The following SLC16A9 variants were observed in gnomAD, a reference collection of about 807,000 sequenced individuals.
The protein encoded by SLC16A9 is monocarboxylate transporter 9.
Under a neutral mutation model 44.3 loss-of-function variants are expected in SLC16A9, and 26 were observed. The ratio of observed to expected loss-of-function variants is 0.59; its 90% confidence interval spans 0.43 to 0.81. SLC16A9 has a LOEUF of 0.81. SLC16A9 is among the 40% of genes least tolerant of loss of function. SLC16A9 has a pLI of 0.00. For missense variants in SLC16A9, 559 were observed against 595.8 expected, an observed-to-expected ratio of 0.94 and a Z score of 0.64; for synonymous variants, 230 against 225.1, an observed-to-expected ratio of 1.02 and a Z score of -0.19.
chr10:59,685,375 C>A (rs531927913), intron 1 of SLC16A9, among the ~76,000 whole-genome samples: 25 of 152,298 alleles, frequency 1.6e-4, no homozygotes, highest in South Asian at 6.2e-4. Flanking sequence ...CCATCTAAGC[C>A]TTATCTCCTC....
chr10:59,668,266 C>A (rs1184275943), intron 3 of SLC16A9, among the ~76,000 whole-genome samples: 1 of 152,176 alleles, frequency 6.6e-6, no homozygotes, highest in Admixed American at 6.5e-5. Flanking sequence ...ACTCCTCACA[C>A]CATCTGTGCA....
At chr10:59,657,952 C>T (rs1839386040) in intron 4 of SLC16A9, among the ~76,000 whole-genome samples, 1 of 152,116 alleles carries the variant, frequency 6.6e-6, no homozygotes, top group Non-Finnish European at 1.5e-5. Flanking sequence ...ATTATACTCT[C>T]CCCTCTTTGG....
chr10:59,672,976 G>C, intron 2 of SLC16A9, 63 bp from the exon 3 acceptor site: 1 of 1,493,806 alleles, frequency 6.7e-7, no homozygotes, highest in South Asian at 1.3e-5. Context: ...AGTTCAAAAT[G>C]ATTCTTTCCA....
chr10:59,696,998 GC>G (rs1424877989), intron 1 of SLC16A9, among the ~76,000 whole-genome samples: 1 of 102,262 alleles, frequency 9.8e-6, no homozygotes, highest in African/African-American at 3.5e-5. Flanking sequence ...TCAGCCCCCC[GC>G]CCGGCCAGCC....
chr10:59,664,377 A>T, intron 3 of SLC16A9, 55 bp from the exon 4 acceptor site: 1 of 1,240,910 alleles, frequency 8.1e-7, no homozygotes. Flanking sequence ...TCAATGCAAG[A>T]GAAAAAAGGA....
chr10:59,662,502 G>A (rs961929128), intron 4 of SLC16A9, among the ~76,000 whole-genome samples: 2 of 151,434 alleles, frequency 1.3e-5, no homozygotes, highest in Admixed American at 1.3e-4. Flanking sequence ...GGGCGTGGTG[G>A]CAGGCACCTG....
intron 4 of SLC16A9, among the ~76,000 whole-genome samples, chr10:59,657,086 A>G (rs1373115781): frequency 6.6e-6 from 1 of 152,182 alleles, no homozygotes; most frequent in Non-Finnish European, 1.5e-5. Context: ...GAAGCATGAA[A>G]CCAGCTAGAG....
chr10:59,658,032 A>C (rs145025889), intron 4 of SLC16A9, among the ~76,000 whole-genome samples: 88 of 152,300 alleles, frequency 5.8e-4, no homozygotes, highest in African/African-American at 2.0e-3. Flanking sequence ...AGACTCTTTA[A>C]GTCTGATAAG....
intron 2 of SLC16A9, among the ~76,000 whole-genome samples, chr10:59,678,540 C>CTTTTTTTTTTTTTTTTTTT (rs1426559419): frequency 4.5e-5 from 1 of 22,330 alleles, no homozygotes; most frequent in African/African-American, 9.7e-5. Context: ...TTTTCTTTTT[C>CTTTTTTTTTTTTTTTTTTT]TTTTTCTTTT....
Position 59,654,244 on chromosome 10 carries a change from T to G in SLC16A9, c.782A>C (p.His261Pro), listed in dbSNP as rs760194025. 6 of 1,614,102 alleles carry G rather than the reference T, an allele frequency of 3.7e-6. No homozygotes were observed. The Admixed American group carries it at 6.7e-5, about 18-fold the overall frequency. Residue 261 changes from histidine to proline, a missense_variant, in exon 5 of 6, where the codon CAC becomes CCC. By Grantham distance (77) the His-to-Pro change is moderately conservative. Coordinates refer to ENST00000395348, the MANE Select transcript of SLC16A9 (RefSeq NM_194298.3). ...TTTGTACGTTTCAGGCTCTTTTGTG[T>G]GTGTCACTGTGGGGTTTTTATGAAG... ...SLLHKNPTVTHTKEPETYKKK... is the reference protein window; with the variant it reads ...SLLHKNPTVTPTKEPETYKKK...
chr10:59,679,679 T>C lies in SLC16A9; in HGVS notation c.196+4417A>G, dbSNP rs545272050. Among the ~76,000 whole-genome samples the C allele has an allele frequency of 2.0e-5, 3 of 152,318 alleles. No homozygotes were observed. The East Asian group carries it at 5.8e-4, about 29-fold the overall frequency. On this transcript the variant is annotated intron_variant, in intron 2 of 5. Coordinates refer to ENST00000395348, the MANE Select transcript of SLC16A9 (RefSeq NM_194298.3). The stretch of plus-strand genomic sequence containing the variant: ...AAATAACTTCCCAGCAACACCTAGA[T>C]TGGTGTTTGAACAACTGGAGAATGT...
chr10:59,680,306 G>C (rs556570396), intron 2 of SLC16A9, among the ~76,000 whole-genome samples: 1 of 152,190 alleles, frequency 6.6e-6, no homozygotes, highest in Non-Finnish European at 1.5e-5. Flanking sequence ...TCTTTTCACA[G>C]TTGTAATATG....
intron 1 of SLC16A9, among the ~76,000 whole-genome samples, chr10:59,696,528 C>T (rs1335783114): frequency 6.6e-6 from 1 of 152,024 alleles, no homozygotes; most frequent in Non-Finnish European, 1.5e-5. Context: ...GCCGCCACCC[C>T]GTCTAGGAAG....
chr10:59,664,329 A>G lies in SLC16A9; in HGVS notation c.341-7T>C. 1.3e-6 allele frequency: 2 copies of G among 1,586,026 alleles called. No homozygotes were observed. The highest frequency in any genetic ancestry group is 1.7e-6 in the Non-Finnish European group (2 of 1,159,596). Reference sequence around the variant, plus strand: ...AATAAACCACATCCAAGACCTAAGCATGAGAAGACATTGCATAAATTAAGA... The same window carrying G: ...AATAAACCACATCCAAGACCTAAGCGTGAGAAGACATTGCATAAATTAAGA... On this transcript the variant is annotated splice_region_variant and splice_polypyrimidine_tract_variant and intron_variant, in intron 3 of 5. Coordinates refer to ENST00000395348, the MANE Select transcript of SLC16A9 (RefSeq NM_194298.3).
intron 1 of SLC16A9, among the ~76,000 whole-genome samples, chr10:59,706,035 G>A (rs1324361265): frequency 6.6e-6 from 1 of 152,076 alleles, no homozygotes; most frequent in East Asian, 1.9e-4. Flanking sequence ...TCTTGTTCCA[G>A]CAGGCCTCTT....
chr10:59,697,213 C>A (rs1399838404), intron 1 of SLC16A9, among the ~76,000 whole-genome samples: 4 of 151,280 alleles, frequency 2.6e-5, no homozygotes, highest in Admixed American at 2.6e-4. Flanking sequence ...TGCCCGGCCA[C>A]CACCCCGTCT....
At chr10:59,703,930 G>T (rs1840582810) in intron 1 of SLC16A9, among the ~76,000 whole-genome samples, 1 of 152,016 alleles carries the variant, frequency 6.6e-6, no homozygotes, top group Non-Finnish European at 1.5e-5. Flanking sequence ...CGCCCTGTTA[G>T]CCAGGATGGT....
chr10:59,694,859 A>T (rs1287204211), intron 1 of SLC16A9, among the ~76,000 whole-genome samples: 1 of 131,458 alleles, frequency 7.6e-6, no homozygotes, highest in Non-Finnish European at 1.7e-5. Context: ...ATATTTTTAT[A>T]TATTATATGT....
At chr10:59,673,645 C>T (rs1839798894) in intron 2 of SLC16A9, among the ~76,000 whole-genome samples, 1 of 152,160 alleles carries the variant, frequency 6.6e-6, no homozygotes, top group South Asian at 2.1e-4. Flanking sequence ...TCAAAAACCA[C>T]ACCTACCAGA....
Sources: gnomAD v4.1 joint callset for allele counts (sites outside exome capture counted in the v4.1 genomes callset) on GRCh38, gnomAD v4.1.1 for gene constraint, MANE v1.5 for transcripts, NCBI Gene and HGNC (gene_info 2026-07-23, HGNC 2026-07-21) for gene names.